The following FANCC variants were observed in gnomAD, a reference collection of about 807,000 sequenced individuals.
FANCC encodes the protein Fanconi anemia group C protein.
In FANCC, 55 loss-of-function variants were observed where a neutral mutation model predicts 71.3. The observed-to-expected ratio is 0.77, with a 90% CI of 0.62 to 0.97. The LOEUF is 0.97. Among genes scored for constraint, FANCC ranks in the 50% least tolerant of loss-of-function variants. FANCC has a pLI of 0.00. For missense variants in FANCC, 678 were observed against 670.9 expected, an observed-to-expected ratio of 1.01 and a Z score of -0.12; for synonymous variants, 275 against 244.9, an observed-to-expected ratio of 1.12 and a Z score of -1.15.
intron 6 of FANCC, among the ~76,000 whole-genome samples, chr9:95,170,303 A>C (rs1299765966): frequency 6.6e-6 from 1 of 151,928 alleles, no homozygotes. Context: ...TTTTCCTCTA[A>C]TAATTATATA....
chr9:95,226,391 T>C (rs1240662832), intron 4 of FANCC, among the ~76,000 whole-genome samples: 1 of 152,210 alleles, frequency 6.6e-6, no homozygotes, highest in African/African-American at 2.4e-5. Flanking sequence ...CCCTGATCTA[T>C]GCTCTAGGGA....
chr9:95,146,624 T>C (rs1306773678), intron 7 of FANCC, among the ~76,000 whole-genome samples: 1 of 152,142 alleles, frequency 6.6e-6, no homozygotes, highest in Non-Finnish European at 1.5e-5. Context: ...CATGTATACC[T>C]TGAATTCGGA....
In FANCC at chr9:95,298,068, G is replaced by A. The variant is rs200885230; in HGVS notation, c.-79+19458C>T. On this transcript the variant is annotated intron_variant, in intron 1 of 14. Transcript: ENST00000289081. ...AATCACACAAGCAATATAGAAAATG[G>A]ACCACCAGGGGAGACAAGATCATAC... Among the ~76,000 whole-genome samples the A allele has an allele frequency of 2.0e-5, 3 of 152,150 alleles. No homozygotes were observed. In the East Asian group the frequency reaches 5.8e-4, roughly 29 times the overall value.
intron 1 of FANCC, among the ~76,000 whole-genome samples, chr9:95,254,649 C>G (rs746642517): frequency 6.6e-6 from 1 of 152,134 alleles, no homozygotes; most frequent in Non-Finnish European, 1.5e-5. Context: ...CAAAACTGGG[C>G]GGCCATTTGG....
chr9:95,271,930 T>C (rs942708045), intron 1 of FANCC, among the ~76,000 whole-genome samples: 4 of 88,210 alleles, frequency 4.5e-5, no homozygotes, highest in African/African-American at 2.1e-4. Flanking sequence ...GCCTCTTCTT[T>C]TTTTTTTTTT....
chr9:95,301,789 GA>G (rs1834747814), intron 1 of FANCC, among the ~76,000 whole-genome samples: 1 of 151,374 alleles, frequency 6.6e-6, no homozygotes, highest in African/African-American at 2.4e-5. Flanking sequence ...TAAAATAAAA[GA>G]AAAAAGGCCT....
chr9:95,271,011 A>G (rs564661035), intron 1 of FANCC, among the ~76,000 whole-genome samples: 2 of 152,150 alleles, frequency 1.3e-5, no homozygotes, highest in African/African-American at 4.8e-5. Flanking sequence ...TTTGAGTGGG[A>G]TAAGAATGGG....
At chr9:95,115,878 C>G (rs1296522719) in intron 11 of FANCC, among the ~76,000 whole-genome samples, 1 of 152,210 alleles carries the variant, frequency 6.6e-6, no homozygotes, top group East Asian at 1.9e-4. Context: ...AAGTGATCCT[C>G]TTTTACACCC....
At chr9:95,197,093 T>C (rs1057287931) in intron 4 of FANCC, among the ~76,000 whole-genome samples, 1 of 152,212 alleles carries the variant, frequency 6.6e-6, no homozygotes. Context: ...CAGAAGTCCC[T>C]CATGACCTAT....
intron 1 of FANCC, among the ~76,000 whole-genome samples, chr9:95,252,044 G>T (rs1337936744): frequency 6.6e-6 from 1 of 152,050 alleles, no homozygotes; most frequent in Non-Finnish European, 1.5e-5. Context: ...TTGGGAGGCC[G>T]AGGTGGATAG....
chr9:95,271,419 G>C (rs1299934428), intron 1 of FANCC, among the ~76,000 whole-genome samples: 1 of 150,240 alleles, frequency 6.7e-6, no homozygotes, highest in Non-Finnish European at 1.5e-5. Context: ...GAGCAAGTTG[G>C]AGACAGACAC....
chr9:95,190,227 A>G (rs544114270), intron 4 of FANCC, among the ~76,000 whole-genome samples: 1 of 152,092 alleles, frequency 6.6e-6, no homozygotes, highest in South Asian at 2.1e-4. Flanking sequence ...CTGCTCCTAT[A>G]AAGTGCAGCT....
Position 95,289,371 on chromosome 9 carries a change from T to C in FANCC, c.-79+28155A>G, listed in dbSNP as rs552471818. ...AATCACGGAGTATTTGCACAACCAG[T>C]GGCTGGAGTAAGAACTGAAAAACCA... On this transcript the variant is annotated intron_variant, in intron 1 of 14. Transcript: ENST00000289081. Among the ~76,000 whole-genome samples the C allele has an allele frequency of 1.2e-4, 19 of 152,214 alleles. No individual in the cohort carries two copies. In the South Asian group the frequency reaches 3.9e-3, roughly 32 times the overall value.
At chr9:95,106,190 G>C (rs2071435406) in intron 14 of FANCC, among the ~76,000 whole-genome samples, 1 of 151,442 alleles carries the variant, frequency 6.6e-6, no homozygotes, top group Non-Finnish European at 1.5e-5. Flanking sequence ...GCTGCACTTT[G>C]CCTTTCCCTG....
chr9:95,170,978 T>C, intron 6 of FANCC, 101 bp downstream of exon 6: 2 of 855,164 alleles, frequency 2.3e-6, no homozygotes. Context: ...AATACAACCA[T>C]AACTGAACAT....
intron 1 of FANCC, among the ~76,000 whole-genome samples, chr9:95,257,598 T>A (rs1460736794): frequency 6.6e-6 from 1 of 151,812 alleles, no homozygotes; most frequent in Non-Finnish European, 1.5e-5. Context: ...TAAATTGACA[T>A]CCTAACATCA....
At chr9:95,254,839 G>A (rs1366980571) in intron 1 of FANCC, among the ~76,000 whole-genome samples, 1 of 152,196 alleles carries the variant, frequency 6.6e-6, no homozygotes, top group Non-Finnish European at 1.5e-5. Context: ...TTGAAATTCT[G>A]GCTGCCAGCA....
intron 8 of FANCC, among the ~76,000 whole-genome samples, chr9:95,134,947 A>G (rs1827449547): frequency 6.6e-6 from 1 of 152,152 alleles, no homozygotes; most frequent in African/African-American, 2.4e-5. Context: ...TGTGTCTCTT[A>G]TTTCATCTTT....
chr9:95,130,299 TGA>T lies in FANCC; in HGVS notation c.844-3720_844-3719del, dbSNP rs3030652. On this transcript the variant is annotated intron_variant, in intron 8 of 14. Coordinates refer to ENST00000289081, the MANE Select transcript of FANCC (RefSeq NM_000136.3). ...TGCTGATTCTGTGTGTGTGTGTGTG[TGA>T]GAGAGAGAGAGAGAGAGAGAGAATA... Among the ~76,000 whole-genome samples the T allele has an allele frequency of 7.5e-4, 111 of 148,676 alleles. No individual in the cohort carries two copies. In the Middle Eastern group the frequency reaches 0.01, roughly 14 times the overall value.
Sources: allele counts gnomAD v4.1 joint callset (sites outside exome capture counted in the v4.1 genomes callset), GRCh38; gene constraint gnomAD v4.1.1; transcripts MANE v1.5; gene names NCBI Gene and HGNC (gene_info 2026-07-23, HGNC 2026-07-21).